The following SETD2 variants were observed in gnomAD, a reference collection of about 807,000 sequenced individuals.
SETD2 encodes the protein SET domain containing 2, histone lysine methyltransferase, also known as histone-lysine N-methyltransferase SETD2.
A neutral mutation model predicts 242.1 loss-of-function variants in SETD2; 31 were observed. The observed-to-expected ratio is 0.13, with a 90% CI of 0.10 to 0.17. SETD2 has a LOEUF of 0.17. Among genes scored for constraint, SETD2 ranks in the 10% least tolerant of loss-of-function variants. SETD2 has a pLI of 1.00. For missense variants in SETD2, 2,481 were observed against 3,046.3 expected (o/e 0.81, Z 4.37); for synonymous variants, 1,006 against 1,066.5 (o/e 0.94, Z 1.11).
intron 13 of SETD2, among the ~76,000 whole-genome samples, chr3:47,063,053 T>G (rs946963450): frequency 6.6e-6 from 1 of 152,204 alleles, no homozygotes; most frequent in African/African-American, 2.4e-5. Context: ...TACCAAAATC[T>G]GTGCATACTC....
intron 1 of SETD2, among the ~76,000 whole-genome samples, chr3:47,133,485 C>T (rs936678005): frequency 2.6e-5 from 4 of 152,172 alleles, no homozygotes; most frequent in Admixed American, 1.3e-4. Flanking sequence ...CGTGGTGGTT[C>T]ACTTTGGGAG....
At chr3:47,158,509 G>A (rs1319962656) in intron 1 of SETD2, among the ~76,000 whole-genome samples, 1 of 152,100 alleles carries the variant, frequency 6.6e-6, no homozygotes, top group African/African-American at 2.4e-5. Flanking sequence ...AGACCTTTAT[G>A]ATGATCCACT....
At chr3:47,152,544 C>T (rs531218027) in intron 1 of SETD2, among the ~76,000 whole-genome samples, 2 of 152,294 alleles carry the variant, frequency 1.3e-5, no homozygotes, top group African/African-American at 2.4e-5. Flanking sequence ...AACTTTAAAC[C>T]TAGCATCTTC....
At chr3:47,064,641 A>T (rs1387648051) in intron 13 of SETD2, 3 of 421,296 alleles carry the variant, frequency 7.1e-6, no homozygotes, top group Non-Finnish European at 1.5e-5. Context: ...CTAATATTAT[A>T]AAAATGAGGG....
chr3:47,129,120 T>TC (rs1397412186), intron 1 of SETD2, among the ~76,000 whole-genome samples: 1 of 152,082 alleles, frequency 6.6e-6, no homozygotes, highest in East Asian at 1.9e-4. Flanking sequence ...ATAATGAAGG[T>TC]CCATTTTAGA....
At chr3:47,086,428 T>C in intron 10 of SETD2, 114 bp from the exon 11 acceptor site, 1 of 1,001,038 alleles carries the variant, frequency 1.0e-6, no homozygotes, top group Non-Finnish European at 1.4e-6. Context: ...TTCACTTACA[T>C]TCACAAAAAA....
intron 5 of SETD2, among the ~76,000 whole-genome samples, chr3:47,107,594 C>T (rs1196929971): frequency 6.6e-6 from 1 of 152,000 alleles, no homozygotes; most frequent in Non-Finnish European, 1.5e-5. Context: ...TCCTTTCTAA[C>T]CCCAGAAGCT....
intron 1 of SETD2, among the ~76,000 whole-genome samples, chr3:47,132,476 G>A (rs2043502209): frequency 6.6e-6 from 1 of 152,128 alleles, no homozygotes; most frequent in Admixed American, 6.5e-5. Flanking sequence ...GATAGAGGGA[G>A]ACTCTGTCTC....
At chr3:47,026,756 T>C (rs2038498340) in intron 18 of SETD2, among the ~76,000 whole-genome samples, 1 of 151,220 alleles carries the variant, frequency 6.6e-6, no homozygotes, top group Non-Finnish European at 1.5e-5. Flanking sequence ...AGTTGAACAA[T>C]GAGAACACAT....
chr3:47,026,083 T>C (rs1448112141), intron 18 of SETD2, among the ~76,000 whole-genome samples: 2 of 151,502 alleles, frequency 1.3e-5, no homozygotes, highest in African/African-American at 2.4e-5. Flanking sequence ...ATCCAGAATC[T>C]ACAAAGAACT....
At position 47,123,133 on chromosome 3, in the gene SETD2, G is replaced by A. The variant is rs910661629; in HGVS notation, c.1503C>T (p.Tyr501=). Residue 501 remains tyrosine, a synonymous_variant, in exon 3 of 21, where the codon TAC becomes TAT. Coordinates refer to ENST00000409792, the MANE Select transcript of SETD2 (RefSeq NM_014159.7). ...SDRDCKTETS[Y]LEMERRGKYS... is the part of the protein sequence containing the mutation. Reference sequence around the variant, plus strand: ...ACTTGCCTCTTCTTTCCATCTCTAAGTAAGAGGTCTCAGTTTTACAGTCCC... The same window carrying A: ...ACTTGCCTCTTCTTTCCATCTCTAAATAAGAGGTCTCAGTTTTACAGTCCC... The A allele has an allele frequency of 1.2e-5, 19 of 1,612,956 alleles. No homozygotes were observed. Among genetic ancestry groups the A allele is most frequent in the Non-Finnish European group, 1.4e-5 (16 of 1,179,186 alleles).
At chr3:47,125,449 G>C (rs995234254) in intron 2 of SETD2, among the ~76,000 whole-genome samples, 4 of 151,980 alleles carry the variant, frequency 2.6e-5, no homozygotes, top group Non-Finnish European at 5.9e-5. Context: ...GGGGTGTTTT[G>C]AGGTTTTGGT....
intron 2 of SETD2, among the ~76,000 whole-genome samples, chr3:47,125,227 G>A (rs751807037): frequency 6.6e-6 from 1 of 151,994 alleles, no homozygotes; most frequent in Admixed American, 6.6e-5. Context: ...GCTGAGGTGG[G>A]AGAATCACTG....
At position 47,123,197 on chromosome 3, in the gene SETD2, T is replaced by C. The variant is rs1403870429; in HGVS notation, c.1439A>G (p.Tyr480Cys). ...SRRTSSHSSS[Y>C]RDLRTSSYSK... ...ATAGGATGATGTCCTTAGGTCTCTG[T>C]AAGAAGAGGAATGAGATGAGGTACG... The change falls in exon 3 of 21, where the codon TAC becomes TGC. Residue 480 changes from tyrosine to cysteine, a missense_variant. Coordinates refer to ENST00000409792, the MANE Select transcript of SETD2 (RefSeq NM_014159.7). 2 of 1,589,756 alleles carry C rather than the reference T, an allele frequency of 1.3e-6. No homozygotes were observed. The highest frequency in any genetic ancestry group is 1.7e-6 in the Non-Finnish European group (2 of 1,166,012).
At chr3:47,046,231 G>A (rs1365495866) in intron 16 of SETD2, among the ~76,000 whole-genome samples, 1 of 151,800 alleles carries the variant, frequency 6.6e-6, no homozygotes, top group Non-Finnish European at 1.5e-5. Context: ...CAGCTACTCA[G>A]GTGGCTGAGG....
In SETD2 at chr3:47,156,942, A is replaced by G. The variant is rs147617893; in HGVS notation, c.71+6912T>C. 2.6e-3 allele frequency among the ~76,000 whole-genome samples: 401 copies of G among 152,266 alleles called. 1 individual carries two copies. The highest frequency in any genetic ancestry group is 4.3e-3 in the Non-Finnish European group (294 of 68,016). The stretch of plus-strand genomic sequence containing the variant: ...CAGGAGTTCGAGACCAGCCTGGGCA[A>G]CACACCAAAACCCTGTCTCTATAAA... On this transcript the variant is annotated intron_variant, in intron 1 of 20. Transcript: ENST00000409792.
At chr3:47,154,722 G>A (rs146370748) in intron 1 of SETD2, among the ~76,000 whole-genome samples, 2,804 of 152,156 alleles carry the variant, frequency 0.018, 86 homozygotes, top group East Asian at 0.057. Flanking sequence ...GGCCGGGCGC[G>A]GTGGCTCAGG....
chr3:47,047,353 T>C (rs145462814), intron 15 of SETD2, among the ~76,000 whole-genome samples: 14 of 152,324 alleles, frequency 9.2e-5, no homozygotes, highest in South Asian at 4.1e-4. Flanking sequence ...TACTCTGTAA[T>C]TATTTCTCAA....
At chr3:47,101,346 A>C (rs1389600176) in intron 8 of SETD2, 112 bp downstream of exon 8, 1 of 645,090 alleles carries the variant, frequency 1.6e-6, no homozygotes, top group African/African-American at 1.9e-5. Flanking sequence ...TATAGATAAG[A>C]GTTAAGAGTA....
Sources: allele counts gnomAD v4.1 joint callset (sites outside exome capture counted in the v4.1 genomes callset), GRCh38; gene constraint gnomAD v4.1.1; transcripts MANE v1.5; gene names NCBI Gene and HGNC (gene_info 2026-07-23, HGNC 2026-07-21).